Variants in CFAP46 observed in about 807,000 individuals in gnomAD.
The protein encoded by CFAP46 is cilia and flagella associated protein 46, also known as cilia- and flagella-associated protein 46.
Under a neutral mutation model 325.7 loss-of-function variants are expected in CFAP46, and 245 were observed. The observed-to-expected ratio is 0.75, with a 90% CI of 0.68 to 0.84. The LOEUF is 0.84. Ranked by LOEUF, CFAP46 falls within the 40% of genes least tolerant of loss-of-function variation. CFAP46 has a pLI of 0.00. For synonymous variants in CFAP46, 1,523 were observed against 1,495.9 expected, an observed-to-expected ratio of 1.02 and a Z score of -0.42; for missense variants, 3,346 against 3,543.0, an observed-to-expected ratio of 0.94 and a Z score of 1.41.
At chr10:132,843,688 TGCTG>T (rs1848384323) in intron 44 of CFAP46, among the ~76,000 whole-genome samples, 1 of 139,328 alleles carries the variant, frequency 7.2e-6, no homozygotes. Flanking sequence ...GCTGTGGGGC[TGCTG>T]CTGGTGGGTG....
In CFAP46 at chr10:132,858,967, G is replaced by T. The variant is rs1254355796; in HGVS notation, c.5375+104C>A. On this transcript the variant is annotated intron_variant, in intron 38 of 57. Coordinates refer to ENST00000368586, the MANE Select transcript of CFAP46 (RefSeq NM_001200049.3). ...GGGAGGGTCCTGTGGACCCCGCGGG[G>T]GTGCAGCCGGGGTGAGCCAGGCCCA... 13 of 1,224,468 alleles carry T rather than the reference G, an allele frequency of 1.1e-5. No individual in the cohort carries two copies. The African/African-American group carries it at 1.7e-4, about 16-fold the overall frequency. 75.9% of individuals were successfully genotyped at this position (1,224,468 alleles called of 1,614,324 possible). A position where few individuals can be genotyped will look rare whatever the true frequency, so the allele number is the denominator to read the frequency against.
Position 132,889,676 on chromosome 10 carries a change from G to A in CFAP46, c.3304+2657C>T, listed in dbSNP as rs1849227627. ...AGTACACATCCAATTCACGGGCGGA[G>A]GCACTGCAGCCGGACCCCACCCCTC... On this transcript the variant is annotated intron_variant, in intron 25 of 57. Transcript: ENST00000368586. The surrounding 1 kb of genome is among the most constrained non-coding windows in gnomAD (Gnocchi z 6.0). 6.6e-6 allele frequency among the ~76,000 whole-genome samples: 1 copy of A among 152,164 alleles called. No individual in the cohort carries two copies. Among genetic ancestry groups the A allele is most frequent in the African/African-American group, 2.4e-5 (1 of 41,424 alleles).
rs577038181 is a variant in CFAP46, at chr10:132,902,719, G to A, written c.2925-3053C>T. 7.9e-5 allele frequency among the ~76,000 whole-genome samples: 12 copies of A among 152,278 alleles called. No homozygotes were observed. The South Asian group carries it at 1.2e-3, about 16-fold the overall frequency. On this transcript the variant is annotated intron_variant, in intron 22 of 57. Coordinates refer to ENST00000368586, the MANE Select transcript of CFAP46 (RefSeq NM_001200049.3). ...AGTAATTTCTTACTTTATGCTGGAC[G>A]TCGTGAGGGCTCTGCTGCTGAAAGT...
rs956415863 is a variant in CFAP46, at chr10:132,912,955, G to C, written c.2333+91C>G. On this transcript the variant is annotated intron_variant, in intron 18 of 57. Coordinates refer to ENST00000368586, the MANE Select transcript of CFAP46 (RefSeq NM_001200049.3). ...CGACCCTCCTCTGCTGGGACACAGA[G>C]GGCCATGGAGTGCAGCTGCCTGCCT... is the stretch of plus-strand genomic sequence containing the variant. 17 of 1,491,196 alleles carry C rather than the reference G, an allele frequency of 1.1e-5. No individual in the cohort carries two copies. The African/African-American group carries it at 1.8e-4, about 16-fold the overall frequency. The allele number at this position is 1,491,196 out of a possible 1,614,324, so 92.4% of individuals were successfully genotyped here. A position where few individuals can be genotyped will look rare whatever the true frequency, so the allele number is the denominator to read the frequency against.
intron 50 of CFAP46, among the ~76,000 whole-genome samples, chr10:132,822,387 ATG>A (rs1314100862): frequency 9.7e-6 from 1 of 102,930 alleles, no homozygotes; most frequent in East Asian, 3.4e-4. Flanking sequence ...GTGTGTGCTG[ATG>A]TGTGCTGATG....
At chr10:132,893,965 C>T (rs927493941) in intron 24 of CFAP46, among the ~76,000 whole-genome samples, 3 of 151,598 alleles carry the variant, frequency 2.0e-5, no homozygotes, top group Non-Finnish European at 4.4e-5. Context: ...GCTGCAGCCC[C>T]CTGTGGGTTC....
intron 40 of CFAP46, 106 bp downstream of exon 40, chr10:132,851,011 G>T: frequency 1.5e-6 from 2 of 1,363,190 alleles, no homozygotes; most frequent in Non-Finnish European, 2.1e-6. Context: ...GACCCGCACC[G>T]CCAGGTGCAC....
rs2134794988 is a variant in CFAP46, at chr10:132,817,478, C to T, written c.7118-2564G>A. ...TGGGCCAACTTCTACCATCTTACTACTTTATTTTTATTTGTCCTGGTTTTC... is the reference window on the plus strand; with the variant it reads ...TGGGCCAACTTCTACCATCTTACTATTTTATTTTTATTTGTCCTGGTTTTC... On this transcript the variant is annotated intron_variant, in intron 50 of 57. Coordinates refer to ENST00000368586, the MANE Select transcript of CFAP46 (RefSeq NM_001200049.3). This position sits in a 1 kb window ranked among gnomAD's most constrained non-coding sequence, Gnocchi z 4.4. 6.6e-6 allele frequency among the ~76,000 whole-genome samples: 1 copy of T among 152,298 alleles called. No individual in the cohort carries two copies. The highest frequency in any genetic ancestry group is 6.5e-5 in the Admixed American group (1 of 15,304).
At chr10:132,810,657 T>C in intron 56 of CFAP46, 168 bp from the exon 57 acceptor site, 1 of 748,780 alleles carries the variant, frequency 1.3e-6, no homozygotes, top group Non-Finnish European at 2.4e-6. Context: ...AGGATGCTCT[T>C]GACGCCCACC....
intron 33 of CFAP46, among the ~76,000 whole-genome samples, chr10:132,868,635 T>C (rs1848852102): frequency 6.6e-6 from 1 of 152,228 alleles, no homozygotes; most frequent in Non-Finnish European, 1.5e-5. Context: ...TGAGTGAAAA[T>C]ATGAACAGGG....
At chr10:132,850,757 C>T (rs1848525359) in intron 40 of CFAP46, among the ~76,000 whole-genome samples, 1 of 152,184 alleles carries the variant, frequency 6.6e-6, no homozygotes, top group African/African-American at 2.4e-5. Flanking sequence ...TCCCTCAAAA[C>T]ATTCTACATA....
At chr10:132,896,125 G>T (rs1849316172) in intron 24 of CFAP46, among the ~76,000 whole-genome samples, 1 of 135,906 alleles carries the variant, frequency 7.4e-6, no homozygotes, top group African/African-American at 2.7e-5. Flanking sequence ...TGAGAAGGCA[G>T]CCAGGCTCTG....
intron 9 of CFAP46, 105 bp downstream of exon 9, chr10:132,929,600 T>G (rs1849860991): frequency 2.8e-6 from 3 of 1,082,568 alleles, no homozygotes; most frequent in South Asian, 2.5e-5. Context: ...ACCGAAGCCC[T>G]GGGGGCCGTG....
At position 132,808,878 on chromosome 10, in the gene CFAP46, T is replaced by G. The variant is rs1368543791; in HGVS notation, c.7691A>C (p.Gln2564Pro). 6.3e-7 allele frequency: 1 copy of G among 1,597,084 alleles called. No individual in the cohort carries two copies. Among genetic ancestry groups the G allele is most frequent in the South Asian group, 1.1e-5 (1 of 89,984 alleles). Residue 2564 changes from glutamine (Q) to proline (P), a missense_variant, in exon 58 of 58, where the codon CAA (glutamine) becomes CCA (proline). Physicochemically the swap from Gln to Pro is moderately conservative, Grantham distance 76 (BLOSUM62 -1). Coordinates refer to ENST00000368586, the MANE Select transcript of CFAP46 (RefSeq NM_001200049.3). The surrounding 1 kb of genome is among the most constrained non-coding windows in gnomAD (Gnocchi z 6.8). ...PRRGFSDLEG[Q>P]AAAAPKLRAP... ...TCGGAGCTTTGGAGCAGCAGCAGCT[T>G]GTCCTTCAAGGTCTGAGAAGCCTCG...
intron 28 of CFAP46, among the ~76,000 whole-genome samples, chr10:132,880,206 G>C (rs745390544): frequency 6.6e-6 from 1 of 152,210 alleles, no homozygotes; most frequent in Non-Finnish European, 1.5e-5. Flanking sequence ...CACCCCATGG[G>C]ACTCTCCGTG....
Position 132,924,879 on chromosome 10 carries a change from A to G in CFAP46, c.1073T>C (p.Leu358Pro). ...VYNRAAVEAQ[L>P]DIIQRLDVAL... ...GACGTCTAGCCTCTGTATGATATCCAGCTGGGCCTGCGGAGAAGACGTGGG... is the reference window on the plus strand; with the variant it reads ...GACGTCTAGCCTCTGTATGATATCCGGCTGGGCCTGCGGAGAAGACGTGGG... The change falls in exon 11 of 58, where the codon CTG becomes CCG. Residue 358 changes from leucine (L) to proline (P), a missense_variant. Leu to Pro is a moderately conservative substitution (Grantham distance 98, BLOSUM62 -3). Transcript: ENST00000368586. The G allele has an allele frequency of 7.2e-7, 1 of 1,384,870 alleles. No individual in the cohort carries two copies. Among genetic ancestry groups the G allele is most frequent in the Non-Finnish European group, 9.4e-7 (1 of 1,062,364 alleles). The allele number at this position is 1,384,870 out of a possible 1,614,324, so 85.8% of individuals were successfully genotyped here. A position where few individuals can be genotyped will look rare whatever the true frequency, so the allele number is the denominator to read the frequency against.
At chr10:132,809,213 C>A (rs561323631) in intron 57 of CFAP46, among the ~76,000 whole-genome samples, 2 of 152,198 alleles carry the variant, frequency 1.3e-5, no homozygotes, top group Non-Finnish European at 2.9e-5. Flanking sequence ...AGTGTGGCTG[C>A]GGCCTTGCAG....
In CFAP46 at chr10:132,836,862, A is replaced by G. The variant is rs747842956; in HGVS notation, c.6491T>C (p.Met2164Thr). The change falls in exon 45 of 58, where the codon ATG becomes ACG. Residue 2164 changes from methionine (M) to threonine (T), a missense_variant. Coordinates refer to ENST00000368586, the MANE Select transcript of CFAP46 (RefSeq NM_001200049.3). ...AAAGAGGATCCAAAAGGTCGGAGGC[A>G]TCTCATTCAAGAGGTTAAAATGCTG... Reference protein sequence around the residue: ...TEQHFNLLNEMPPTFWILFLH... With the variant: ...TEQHFNLLNETPPTFWILFLH... The G allele has an allele frequency of 1.2e-6, 2 of 1,613,828 alleles. No homozygotes were observed. The highest frequency in any genetic ancestry group is 1.7e-5 in the Admixed American group (1 of 60,008).
At chr10:132,910,213 C>T (rs915080119) in intron 19 of CFAP46, 145 bp from the exon 20 acceptor site, 3 of 714,388 alleles carry the variant, frequency 4.2e-6, no homozygotes, top group South Asian at 4.1e-5. Context: ...GGCCCACCAG[C>T]GGCTGCACCA....
Sources: allele counts gnomAD v4.1 joint callset (sites outside exome capture counted in the v4.1 genomes callset), GRCh38; gene constraint gnomAD v4.1.1; non-coding constraint Gnocchi (gnomAD v3.1); transcripts MANE v1.5; gene names NCBI Gene and HGNC (gene_info 2026-07-23, HGNC 2026-07-21).